PKHD1: variants seen among roughly 807,000 people sequenced by gnomAD.
PKHD1 encodes the protein fibrocystin.
PKHD1 carries 291 observed loss-of-function variants against 412.0 expected under a neutral mutation model. The observed-to-expected ratio is 0.71, with a 90% CI of 0.64 to 0.78. The LOEUF (loss-of-function observed/expected upper bound fraction) is 0.78, where lower values mean the gene tolerates loss of function less well. Among genes scored for constraint, PKHD1 ranks in the 30% least tolerant of loss-of-function variants. PKHD1 has a pLI of 0.00. For missense variants in PKHD1, 4,825 were observed against 4,950.7 expected, an observed-to-expected ratio of 0.97 and a Z score of 0.76; for synonymous variants, 1,777 against 1,821.5, an observed-to-expected ratio of 0.98 and a Z score of 0.62.
intron 35 of PKHD1, among the ~76,000 whole-genome samples, chr6:51,986,539 TAG>T (rs1264074105): frequency 6.6e-6 from 1 of 152,210 alleles, no homozygotes; most frequent in African/African-American, 2.4e-5. Flanking sequence ...CCACCTGGGA[TAG>T]AGTTATTATT....
intron 27 of PKHD1, among the ~76,000 whole-genome samples, chr6:52,040,527 T>C (rs1355715820): frequency 6.6e-6 from 1 of 152,158 alleles, no homozygotes; most frequent in African/African-American, 2.4e-5. Flanking sequence ...CTGAGTGAGC[T>C]GAGGGCCATT....
chr6:51,709,479 C>A (rs895485161), intron 60 of PKHD1, among the ~76,000 whole-genome samples: 1 of 152,154 alleles, frequency 6.6e-6, no homozygotes, highest in Non-Finnish European at 1.5e-5. Context: ...AGTTAGGATA[C>A]TCGGAAAAAG....
intron 52 of PKHD1, among the ~76,000 whole-genome samples, chr6:51,828,346 G>A (rs543150572): frequency 6.6e-6 from 1 of 152,016 alleles, no homozygotes; most frequent in East Asian, 1.9e-4. Context: ...GATAATAACA[G>A]AATCCACTTA....
At chr6:51,732,551 C>T (rs983833032) in intron 60 of PKHD1, among the ~76,000 whole-genome samples, 1 of 152,168 alleles carries the variant, frequency 6.6e-6, no homozygotes, top group Non-Finnish European at 1.5e-5. Context: ...AGATGTTCAA[C>T]ACTACTAATC....
At chr6:51,990,846 A>T (rs548615960) in intron 35 of PKHD1, among the ~76,000 whole-genome samples, 2 of 152,218 alleles carry the variant, frequency 1.3e-5, no homozygotes, top group South Asian at 4.1e-4. Context: ...TACATTTCAA[A>T]CTCATAGCTC....
Position 52,073,477 on chromosome 6 carries a change from A to G in PKHD1, c.513T>C (p.Ala171=). 1 of 1,600,472 alleles carries G rather than the reference A, an allele frequency of 6.2e-7. No individual in the cohort carries two copies. Among genetic ancestry groups the G allele is most frequent in the Non-Finnish European group, 8.6e-7 (1 of 1,167,622 alleles). The part of the protein sequence containing the change: ...TGRLETFDFD[A]EYIDSPVILE... The stretch of plus-strand genomic sequence containing the variant: ...CACACACTTACCTATCAATGTACTC[A>G]GCATCAAAATCAAAAGTTTCCAATC... Residue 171 remains alanine (A), a synonymous_variant, in exon 7 of 67, where the codon GCT becomes GCC. Coordinates refer to ENST00000371117, the MANE Select transcript of PKHD1 (RefSeq NM_138694.4).
chr6:51,690,376 A>G (rs1401563674), intron 60 of PKHD1, among the ~76,000 whole-genome samples: 2 of 152,102 alleles, frequency 1.3e-5, no homozygotes, highest in East Asian at 3.8e-4. Flanking sequence ...CTAAGCAAAA[A>G]GAATAAAGCT....
chr6:51,627,001 T>C lies in PKHD1; in HGVS notation c.11781A>G (p.Gly3927=). The C allele has an allele frequency of 6.2e-7, 1 of 1,613,494 alleles. No individual in the cohort carries two copies. The highest frequency in any genetic ancestry group is 8.5e-7 in the Non-Finnish European group (1 of 1,179,566). The change falls in exon 66 of 67, where the codon GGA becomes GGG. Residue 3927 remains glycine, a synonymous_variant. Coordinates refer to ENST00000371117, the MANE Select transcript of PKHD1 (RefSeq NM_138694.4). Reference sequence around the variant, plus strand: ...ATCTCCACCCTCCAAGCTTACCTTCTCCCACCACAGTGTCTTCTTTTTTGG... The same window carrying C: ...ATCTCCACCCTCCAAGCTTACCTTCCCCCACCACAGTGTCTTCTTTTTTGG... ...QGPKKEDTVV[G]EDMRMKVMLG... is the part of the protein sequence containing the mutation.
chr6:51,682,887 A>G (rs536231244), intron 60 of PKHD1, among the ~76,000 whole-genome samples: 1 of 152,158 alleles, frequency 6.6e-6, no homozygotes, highest in East Asian at 1.9e-4. Context: ...TATTATGCAT[A>G]CAAAGCAATA....
Position 52,058,604 on chromosome 6 carries a change from A to G in PKHD1, c.1234-3T>C, listed in dbSNP as rs769859757. 2 of 1,613,822 alleles carry G rather than the reference A, an allele frequency of 1.2e-6. No individual in the cohort carries two copies. Among genetic ancestry groups the G allele is most frequent in the Non-Finnish European group, 1.7e-6 (2 of 1,179,934 alleles). On this transcript the variant is annotated splice_region_variant and splice_polypyrimidine_tract_variant and intron_variant, in intron 15 of 66. Transcript: ENST00000371117. Reference sequence around the variant, plus strand: ...ACGCTGATGGAGGCCACTTTCACCTATGCCCAAATAAGCATATCATGATCA... The same window carrying G: ...ACGCTGATGGAGGCCACTTTCACCTGTGCCCAAATAAGCATATCATGATCA...
intron 65 of PKHD1, among the ~76,000 whole-genome samples, chr6:51,631,760 A>G (rs912688935): frequency 1.3e-5 from 2 of 152,020 alleles, no homozygotes; most frequent in Admixed American, 6.6e-5. Flanking sequence ...TCTTTCCCTC[A>G]GTGACTACAA....
chr6:51,935,087 C>T lies in PKHD1; in HGVS notation c.5909-765G>A, dbSNP rs548531857. Among the ~76,000 whole-genome samples, 48 of 152,256 alleles carry T rather than the reference C, an allele frequency of 3.2e-4. No individual in the cohort carries two copies. In the South Asian group the frequency reaches 5.6e-3, roughly 18 times the overall value. On this transcript the variant is annotated intron_variant, in intron 36 of 66. Coordinates refer to ENST00000371117, the MANE Select transcript of PKHD1 (RefSeq NM_138694.4). ...CTTGCATCAAATGCTTTGATTCCTA[C>T]GTATTTCTGTCCCTGATTTTTCAGA... is the stretch of plus-strand genomic sequence containing the variant.
chr6:51,663,585 C>G (rs1404196758), intron 60 of PKHD1, among the ~76,000 whole-genome samples: 5 of 152,144 alleles, frequency 3.3e-5, no homozygotes, highest in African/African-American at 1.2e-4. Flanking sequence ...ACCTCAAGCA[C>G]AGTAGATGCT....
intron 53 of PKHD1, among the ~76,000 whole-genome samples, chr6:51,778,234 T>G (rs728995): frequency 0.57 from 86,883 of 151,972 alleles, 25,915 homozygotes; most frequent in East Asian, 0.83. Flanking sequence ...ATCCTTGGTT[T>G]ACCTTTGTAA....
intron 40 of PKHD1, 66 bp downstream of exon 40, chr6:51,909,217 A>C: frequency 8.9e-7 from 1 of 1,125,110 alleles, no homozygotes; most frequent in Non-Finnish European, 1.4e-6. Flanking sequence ...TCATTCCACC[A>C]TGCATGTAGT....
intron 55 of PKHD1, among the ~76,000 whole-genome samples, chr6:51,758,009 G>C (rs1193793835): frequency 1.7e-5 from 1 of 60,476 alleles, no homozygotes; most frequent in African/African-American, 7.1e-5. Flanking sequence ...ATGAGACCCT[G>C]CCAAAAGAGA....
chr6:52,069,579 A>C (rs1562279139), intron 10 of PKHD1, 52 bp from the exon 11 acceptor site: 15 of 1,415,432 alleles, frequency 1.1e-5, no homozygotes, highest in Admixed American at 6.7e-5. Context: ...CTGGGATTGC[A>C]TTTTTTTTAG....
intron 66 of PKHD1, 108 bp from the exon 67 acceptor site, chr6:51,619,628 A>G (rs1392846480): frequency 1.1e-6 from 1 of 875,606 alleles, no homozygotes; most frequent in Non-Finnish European, 1.9e-6. Context: ...TCAAAGATTG[A>G]ATTACATCAG....
intron 35 of PKHD1, among the ~76,000 whole-genome samples, chr6:51,966,407 G>A (rs1448229959): frequency 6.6e-6 from 1 of 152,156 alleles, no homozygotes; most frequent in Non-Finnish European, 1.5e-5. Flanking sequence ...ATCTCTGTGA[G>A]CAAAGGGATA....
Sources: allele counts gnomAD v4.1 joint callset (sites outside exome capture counted in the v4.1 genomes callset), GRCh38; gene constraint gnomAD v4.1.1; transcripts MANE v1.5; gene names NCBI Gene and HGNC (gene_info 2026-07-23, HGNC 2026-07-21).